Variants in CFAP47 observed in about 807,000 individuals in gnomAD.
CFAP47 encodes the protein cilia and flagella associated protein 47.
CFAP47 carries 29 observed loss-of-function variants against 148.1 expected under a neutral mutation model. That is an observed-to-expected ratio of 0.20 (90% confidence interval 0.15 to 0.27). The LOEUF is 0.27. Among genes scored for constraint, CFAP47 ranks in the 10% least tolerant of loss-of-function variants. The pLI is 1.00. For missense variants in CFAP47, 1,872 were observed against 1,697.5 expected (o/e 1.10, Z -1.81); for synonymous variants, 664 against 577.3 (o/e 1.15, Z -2.15).
At chrX:36,272,483 GCTC>G (rs1409732282) in intron 49 of CFAP47, among the ~76,000 whole-genome samples, 1 of 111,391 alleles carries the variant, frequency 9.0e-6, no homozygotes, top group African/African-American at 3.3e-5. Flanking sequence ...CCATGACAAT[GCTC>G]CTGCTCATTC....
rs188780176 is a variant in CFAP47, at chrX:35,941,982, A to T, written c.517+584A>T. Among the ~76,000 whole-genome samples, 9 of 110,203 alleles carry T rather than the reference A, an allele frequency of 8.2e-5. No homozygotes were observed. The East Asian group carries it at 2.6e-3, about 32-fold the overall frequency. On this transcript the variant is annotated intron_variant, in intron 3 of 63. Transcript: ENST00000378653. Reference sequence around the variant, plus strand: ...TTTCCAGATTTAATTATTTCCAGGGATTCTTACTGTGGCCTAAGAGTTTAC... The same window carrying T: ...TTTCCAGATTTAATTATTTCCAGGGTTTCTTACTGTGGCCTAAGAGTTTAC...
intron 57 of CFAP47, among the ~76,000 whole-genome samples, chrX:36,331,002 GTTAC>G (rs1410587982): frequency 5.4e-5 from 6 of 111,320 alleles, no homozygotes; most frequent in Non-Finnish European, 1.1e-4. Context: ...CCATCGTCCA[GTTAC>G]TTCTCTTACG....
intron 3 of CFAP47, among the ~76,000 whole-genome samples, chrX:35,947,060 C>T (rs989804704): frequency 5.4e-5 from 6 of 111,845 alleles, no homozygotes; most frequent in Non-Finnish European, 1.1e-4. Flanking sequence ...CCTGTGTGAA[C>T]TGGATAAATT....
chrX:36,140,766 G>GA (rs1050587846), intron 35 of CFAP47, among the ~76,000 whole-genome samples: 11 of 111,883 alleles, frequency 9.8e-5, no homozygotes, highest in Non-Finnish European at 1.7e-4. Flanking sequence ...ATTGCAGCCT[G>GA]AAAATTAGCT....
At chrX:36,057,616 A>G (rs1937564663) in intron 26 of CFAP47, among the ~76,000 whole-genome samples, 3 of 111,589 alleles carry the variant, frequency 2.7e-5, no homozygotes, top group African/African-American at 9.8e-5. Context: ...GTGATTGGTA[A>G]AACTGCAAAC....
intron 2 of CFAP47, among the ~76,000 whole-genome samples, chrX:35,934,637 C>T (rs1935883596): frequency 9.0e-6 from 1 of 110,891 alleles, no homozygotes; most frequent in Non-Finnish European, 1.9e-5. Context: ...GGAGTCTTGC[C>T]CTGTAGCCAC....
intron 22 of CFAP47, among the ~76,000 whole-genome samples, chrX:36,030,010 C>T (rs1043067641): frequency 1.8e-5 from 2 of 110,452 alleles, no homozygotes; most frequent in African/African-American, 6.6e-5. Context: ...ACTACTTTTA[C>T]TGAATTATTT....
chrX:36,061,316 C>T (rs770088745), intron 26 of CFAP47, among the ~76,000 whole-genome samples: 2 of 111,718 alleles, frequency 1.8e-5, no homozygotes, highest in South Asian at 7.6e-4. Context: ...TGCCCAACCT[C>T]AGGTAGTTCT....
intron 56 of CFAP47, among the ~76,000 whole-genome samples, chrX:36,314,592 A>T (rs1039881300): frequency 3.6e-5 from 4 of 111,676 alleles, no homozygotes; most frequent in African/African-American, 1.3e-4. Flanking sequence ...TATGGTTCTC[A>T]ATGTACAGAG....
At chrX:36,244,604 C>A (rs1438153736) in intron 48 of CFAP47, among the ~76,000 whole-genome samples, 1 of 111,717 alleles carries the variant, frequency 9.0e-6, no homozygotes, top group Non-Finnish European at 1.9e-5. Flanking sequence ...TTATCATCAA[C>A]TCTATGCAGA....
At chrX:36,095,318 A>G (rs908628636) in intron 30 of CFAP47, among the ~76,000 whole-genome samples, 2 of 111,740 alleles carry the variant, frequency 1.8e-5, no homozygotes, top group African/African-American at 3.2e-5. Context: ...TTCTGCATCA[A>G]TATTCATCAG....
At position 35,948,310 on chromosome X, in the gene CFAP47, A is replaced by G. The variant is rs1481295602; in HGVS notation, c.518-4A>G. On this transcript the variant is annotated splice_polypyrimidine_tract_variant and splice_region_variant and intron_variant, in intron 3 of 63. Coordinates refer to ENST00000378653, the MANE Select transcript of CFAP47 (RefSeq NM_001304548.2). ...TGTAAATCAACTGCTCTTATTCCCTATAGGCATATTTAAGGCAGAATACCA... is the reference window on the plus strand; with the variant it reads ...TGTAAATCAACTGCTCTTATTCCCTGTAGGCATATTTAAGGCAGAATACCA... The G allele has an allele frequency of 8.4e-7, 1 of 1,196,432 alleles. No homozygotes were observed. Among genetic ancestry groups the G allele is most frequent in the African/African-American group, 1.8e-5 (1 of 56,858 alleles).
chrX:35,935,060 C>T (rs1290416025), intron 2 of CFAP47, among the ~76,000 whole-genome samples: 2 of 111,478 alleles, frequency 1.8e-5, no homozygotes, highest in African/African-American at 6.5e-5. Flanking sequence ...ACTCCCCTAG[C>T]CACACCAGCT....
At chrX:36,358,778 A>G (rs1556018805) in intron 60 of CFAP47, among the ~76,000 whole-genome samples, 1 of 111,586 alleles carries the variant, frequency 9.0e-6, no homozygotes, top group East Asian at 2.8e-4. Flanking sequence ...ACCATGAACA[A>G]TTCCTGCAGT....
At chrX:36,045,699 G>A (rs1005813365) in intron 25 of CFAP47, among the ~76,000 whole-genome samples, 3 of 112,093 alleles carry the variant, frequency 2.7e-5, no homozygotes, top group Admixed American at 1.9e-4. Context: ...TTGTTTAAAC[G>A]GGAAATAGTA....
intron 49 of CFAP47, among the ~76,000 whole-genome samples, chrX:36,275,386 A>G (rs947025126): frequency 2.8e-5 from 3 of 108,156 alleles, no homozygotes; most frequent in East Asian, 2.9e-4. Context: ...AATTTTGTCA[A>G]AAGTTTTCTA....
intron 50 of CFAP47, among the ~76,000 whole-genome samples, chrX:36,282,995 T>C (rs6629066): frequency 0.12 from 13,789 of 110,867 alleles, 686 homozygotes; most frequent in East Asian, 0.26. Flanking sequence ...ATTTTCTGAA[T>C]AATATAAATG....
chrX:36,103,634 A>C (rs1316406831), intron 32 of CFAP47, among the ~76,000 whole-genome samples: 1 of 109,185 alleles, frequency 9.2e-6, no homozygotes, highest in Non-Finnish European at 1.9e-5. Context: ...TCTTTATAGC[A>C]CATATGACTC....
chrX:35,994,078 T>G (rs915565395), intron 18 of CFAP47, among the ~76,000 whole-genome samples: 1 of 110,234 alleles, frequency 9.1e-6, no homozygotes, highest in African/African-American at 3.3e-5. Context: ...TTGGCTAACA[T>G]GGTGAAACCC....
Sources: gnomAD v4.1 joint callset for allele counts (sites outside exome capture counted in the v4.1 genomes callset) on GRCh38, gnomAD v4.1.1 for gene constraint, MANE v1.5 for transcripts, NCBI Gene and HGNC (gene_info 2026-07-23, HGNC 2026-07-21) for gene names.